The following PTPRM variants were observed in gnomAD, a reference collection of about 807,000 sequenced individuals.
PTPRM encodes protein tyrosine phosphatase receptor type M.
Under a neutral mutation model 186.7 loss-of-function variants are expected in PTPRM, and 47 were observed. The observed-to-expected ratio is 0.25, with a 90% CI of 0.20 to 0.32. The LOEUF (loss-of-function observed/expected upper bound fraction) is 0.32, where lower values mean the gene tolerates loss of function less well. PTPRM is among the 10% of genes least tolerant of loss of function. The pLI is 1.00. For missense variants in PTPRM, 1,494 were observed against 1,865.0 expected (o/e 0.80, Z 3.66); for synonymous variants, 668 against 674.9 (o/e 0.99, Z 0.16).
At chr18:7,875,280 C>T (rs561245743) in intron 2 of PTPRM, among the ~76,000 whole-genome samples, 31 of 151,988 alleles carry the variant, frequency 2.0e-4, no homozygotes, top group East Asian at 1.7e-3. Context: ...TATGGTGTAT[C>T]CTAGGATACT....
chr18:8,192,581 A>G (rs1026083502), intron 14 of PTPRM, among the ~76,000 whole-genome samples: 7 of 152,354 alleles, frequency 4.6e-5, no homozygotes, highest in Admixed American at 3.9e-4. Context: ...TTTAATAAAT[A>G]TATGCATCTA....
chr18:8,280,186 A>G (rs62091342), intron 19 of PTPRM, among the ~76,000 whole-genome samples: 69,590 of 151,738 alleles, frequency 0.46, 16,683 homozygotes, highest in Non-Finnish European at 0.53. Flanking sequence ...CTCTCCTCAC[A>G]TGTTGGCTTG....
chr18:8,188,052 A>G (rs543968932), intron 14 of PTPRM, among the ~76,000 whole-genome samples: 1 of 152,362 alleles, frequency 6.6e-6, no homozygotes, highest in Non-Finnish European at 1.5e-5. Flanking sequence ...AACAGAAGAA[A>G]CTATGTCAGA....
At chr18:7,822,656 T>C (rs1234913968) in intron 2 of PTPRM, among the ~76,000 whole-genome samples, 1 of 152,186 alleles carries the variant, frequency 6.6e-6, no homozygotes, top group Non-Finnish European at 1.5e-5. Context: ...TCAAGTTGCT[T>C]TTGCTTTCAT....
At chr18:7,761,954 A>G (rs894311760) in intron 1 of PTPRM, among the ~76,000 whole-genome samples, 4 of 152,204 alleles carry the variant, frequency 2.6e-5, no homozygotes, top group Non-Finnish European at 5.9e-5. Context: ...CTCCTTTCTA[A>G]TAAAGATAGA....
At chr18:8,133,908 G>C (rs1204537395) in intron 13 of PTPRM, among the ~76,000 whole-genome samples, 1 of 152,082 alleles carries the variant, frequency 6.6e-6, no homozygotes, top group Non-Finnish European at 1.5e-5. Flanking sequence ...GTATCTACTT[G>C]GGAGTCAGGC....
At chr18:8,264,148 A>G (rs1036197418) in intron 19 of PTPRM, among the ~76,000 whole-genome samples, 1 of 152,132 alleles carries the variant, frequency 6.6e-6, no homozygotes, top group East Asian at 1.9e-4. Context: ...GTGTGGAAAA[A>G]TCCTGCACGT....
chr18:7,674,607 G>C (rs1165771066), intron 1 of PTPRM, among the ~76,000 whole-genome samples: 1 of 152,174 alleles, frequency 6.6e-6, no homozygotes, highest in Non-Finnish European at 1.5e-5. Context: ...AGTTTGAGAT[G>C]ATAATTTTAT....
At chr18:7,889,245 T>C (rs2048936444) in intron 3 of PTPRM, among the ~76,000 whole-genome samples, 1 of 152,066 alleles carries the variant, frequency 6.6e-6, no homozygotes, top group African/African-American at 2.4e-5. Context: ...ATGCCTGGCA[T>C]GTATTGTTTT....
chr18:8,110,819 C>G (rs949133077), intron 11 of PTPRM, among the ~76,000 whole-genome samples: 1 of 152,122 alleles, frequency 6.6e-6, no homozygotes, highest in Non-Finnish European at 1.5e-5. Flanking sequence ...CTATAACTCC[C>G]TTGATGTGAT....
At chr18:8,092,138 C>T (rs1208402922) in intron 11 of PTPRM, among the ~76,000 whole-genome samples, 2 of 151,948 alleles carry the variant, frequency 1.3e-5, no homozygotes, top group East Asian at 3.9e-4. Flanking sequence ...GTAAGGTGGT[C>T]ATGTATTGAT....
chr18:7,807,798 A>G (rs932917056), intron 2 of PTPRM, among the ~76,000 whole-genome samples: 12 of 152,234 alleles, frequency 7.9e-5, no homozygotes, highest in African/African-American at 2.9e-4. Context: ...ACATCTAAGT[A>G]ATATTTGAAT....
intron 14 of PTPRM, among the ~76,000 whole-genome samples, chr18:8,226,568 T>C (rs1254431645): frequency 6.6e-6 from 1 of 152,160 alleles, no homozygotes. Flanking sequence ...TGGGAAGAAT[T>C]GTTGATAGAT....
intron 31 of PTPRM, among the ~76,000 whole-genome samples, chr18:8,390,578 A>G (rs73384215): frequency 0.057 from 8,615 of 152,244 alleles, 823 homozygotes; most frequent in African/African-American, 0.2. Flanking sequence ...TAGGAAAATG[A>G]TAGACAACTC....
chr18:8,319,127 G>C (rs1204190522), intron 21 of PTPRM, 51 bp from the exon 22 acceptor site: 3 of 1,245,012 alleles, frequency 2.4e-6, no homozygotes, highest in African/African-American at 3.0e-5. Context: ...CGACTTATCT[G>C]CTGTTTATCG....
rs752030732 is a variant in PTPRM, at chr18:8,085,877, T to G, written c.1753+5T>G. The G allele has an allele frequency of 2.5e-6, 4 of 1,610,460 alleles. No homozygotes were observed. The South Asian group carries it at 4.4e-5, about 18-fold the overall frequency. The stretch of plus-strand genomic sequence containing the variant: ...AGTTCACCACCAAAATATCAGGTAC[T>G]CTACATTCGTGAGTTGTGTCTTTTA... On this transcript the variant is annotated splice_donor_5th_base_variant and intron_variant, in intron 10 of 32. Transcript: ENST00000580170.
chr18:8,214,189 T>C (rs186107351), intron 14 of PTPRM, among the ~76,000 whole-genome samples: 23 of 152,300 alleles, frequency 1.5e-4, no homozygotes, highest in African/African-American at 5.5e-4. Context: ...GGTGCACTAA[T>C]ATCCCAGACT....
chr18:8,230,863 GTTTA>G (rs2094278132), intron 14 of PTPRM, among the ~76,000 whole-genome samples: 1 of 152,006 alleles, frequency 6.6e-6, no homozygotes, highest in African/African-American at 2.4e-5. Context: ...ATTCATTCTG[GTTTA>G]TTTAAGTGGA....
At chr18:7,626,388 A>G (rs1008664098) in intron 1 of PTPRM, among the ~76,000 whole-genome samples, 1 of 152,224 alleles carries the variant, frequency 6.6e-6, no homozygotes, top group African/African-American at 2.4e-5. Context: ...GAGTTTAGGC[A>G]GAGAGAATAT....
Sources: gnomAD v4.1 joint callset for allele counts (sites outside exome capture counted in the v4.1 genomes callset) on GRCh38, gnomAD v4.1.1 for gene constraint, MANE v1.5 for transcripts, NCBI Gene and HGNC (gene_info 2026-07-23, HGNC 2026-07-21) for gene names.